The following HS2ST1 variants were observed in gnomAD, a reference collection of about 807,000 sequenced individuals.
HS2ST1 encodes the protein 2-O-sulfotransferase.
Under a neutral mutation model 42.9 loss-of-function variants are expected in HS2ST1, and 18 were observed. The ratio of observed to expected loss-of-function variants is 0.42; its 90% confidence interval spans 0.29 to 0.62. The LOEUF is 0.62. HS2ST1 is among the 20% of genes least tolerant of loss of function. The pLI is 0.21. For synonymous variants in HS2ST1, 146 were observed against 152.9 expected, an observed-to-expected ratio of 0.95 and a Z score of 0.33; for missense variants, 334 against 433.8, an observed-to-expected ratio of 0.77 and a Z score of 2.04.
chr1:86,959,474 A>G (rs745486796), intron 1 of HS2ST1, among the ~76,000 whole-genome samples: 9 of 152,176 alleles, frequency 5.9e-5, no homozygotes, highest in Non-Finnish European at 1.0e-4. Flanking sequence ...CCTGGCTAAC[A>G]TGGTGAAACC....
At chr1:87,102,498 C>T (rs1652237194) in intron 5 of HS2ST1, among the ~76,000 whole-genome samples, 1 of 152,212 alleles carries the variant, frequency 6.6e-6, no homozygotes, top group Non-Finnish European at 1.5e-5. Flanking sequence ...GCCTCCAACA[C>T]TGGGAATCAC....
chr1:86,917,685 C>A (rs1660192547), intron 1 of HS2ST1, among the ~76,000 whole-genome samples: 1 of 152,132 alleles, frequency 6.6e-6, no homozygotes, highest in East Asian at 1.9e-4. Flanking sequence ...TAATTATGTC[C>A]GGCTGCTTAA....
intron 3 of HS2ST1, among the ~76,000 whole-genome samples, chr1:87,091,650 G>A (rs1029556245): frequency 4.7e-5 from 7 of 150,336 alleles, no homozygotes; most frequent in African/African-American, 1.7e-4. Context: ...GAATGATGAA[G>A]ACAGGTCACA....
intron 5 of HS2ST1, 23 bp downstream of exon 5, chr1:87,097,958 AGATT>A (rs1652107552): frequency 6.2e-7 from 1 of 1,613,520 alleles, no homozygotes; most frequent in African/African-American, 1.3e-5. Context: ...AAGTTGGCTC[AGATT>A]GATTATCATC....
At chr1:86,959,853 G>C (rs947390896) in intron 1 of HS2ST1, among the ~76,000 whole-genome samples, 5 of 152,166 alleles carry the variant, frequency 3.3e-5, no homozygotes, top group Non-Finnish European at 5.9e-5. Flanking sequence ...ATATTGTTAA[G>C]ATGTCAAGTT....
chr1:86,933,991 GGT>G (rs1038820848), intron 1 of HS2ST1, among the ~76,000 whole-genome samples: 1 of 151,728 alleles, frequency 6.6e-6, no homozygotes, highest in Non-Finnish European at 1.5e-5. Context: ...CTATTGATGT[GGT>G]GTGTGTGTGT....
intron 1 of HS2ST1, among the ~76,000 whole-genome samples, chr1:86,920,154 AC>A (rs1660263902): frequency 3.3e-5 from 5 of 152,348 alleles, no homozygotes; most frequent in Admixed American, 3.3e-4. Context: ...CTGTATTCTT[AC>A]ATCTCTATAT....
At chr1:87,071,772 C>CAGAT (rs141816873) in intron 1 of HS2ST1, among the ~76,000 whole-genome samples, 3,498 of 150,188 alleles carry the variant, frequency 0.023, 71 homozygotes, top group African/African-American at 0.049. Context: ...TCAGAGCTAT[C>CAGAT]AGATGCTTCC....
chr1:87,001,599 G>A (rs1649283653), intron 1 of HS2ST1, among the ~76,000 whole-genome samples: 2 of 152,224 alleles, frequency 1.3e-5, no homozygotes, highest in African/African-American at 4.8e-5. Flanking sequence ...ATGAAAAGTT[G>A]TTATTGTGGT....
intron 1 of HS2ST1, among the ~76,000 whole-genome samples, chr1:86,989,396 T>C (rs1287474888): frequency 6.6e-6 from 1 of 152,242 alleles, no homozygotes. Context: ...CAGGACAGTA[T>C]AGTAATTTAG....
intron 2 of HS2ST1, among the ~76,000 whole-genome samples, chr1:87,080,266 T>C (rs755027263): frequency 3.3e-5 from 5 of 152,192 alleles, no homozygotes; most frequent in Non-Finnish European, 7.4e-5. Context: ...ATTGTTAAAA[T>C]GGTTGTCCGG....
At chr1:87,024,696 T>G (rs1019017009) in intron 1 of HS2ST1, among the ~76,000 whole-genome samples, 3 of 152,184 alleles carry the variant, frequency 2.0e-5, no homozygotes, top group Non-Finnish European at 4.4e-5. Flanking sequence ...CCCTACTTCA[T>G]GTTATGTTAA....
chr1:86,975,821 C>T (rs1192752947), intron 1 of HS2ST1, among the ~76,000 whole-genome samples: 5 of 152,120 alleles, frequency 3.3e-5, no homozygotes, highest in Non-Finnish European at 7.4e-5. Flanking sequence ...TCTGGTTATA[C>T]AACTGTGAGA....
intron 1 of HS2ST1, among the ~76,000 whole-genome samples, chr1:86,960,086 T>A (rs1286493210): frequency 6.6e-6 from 1 of 151,990 alleles, no homozygotes; most frequent in Non-Finnish European, 1.5e-5. Flanking sequence ...AATAAATAGA[T>A]CATTGAAGCA....
At chr1:87,075,184 T>C (rs1041181589) in intron 2 of HS2ST1, among the ~76,000 whole-genome samples, 10 of 88,626 alleles carry the variant, frequency 1.1e-4, no homozygotes, top group African/African-American at 3.0e-4. Flanking sequence ...TTTTTTTTTT[T>C]TGGAGACAGG....
intron 1 of HS2ST1, among the ~76,000 whole-genome samples, chr1:87,014,777 A>G (rs1042797390): frequency 9.2e-5 from 14 of 152,334 alleles, no homozygotes; most frequent in East Asian, 3.9e-4. Context: ...CTGGCTGTCC[A>G]ACCTTTGACT....
At chr1:87,089,227 A>G (rs1166489074) in intron 3 of HS2ST1, among the ~76,000 whole-genome samples, 2 of 152,190 alleles carry the variant, frequency 1.3e-5, no homozygotes, top group Non-Finnish European at 2.9e-5. Context: ...AAATGAGCCT[A>G]GTTTATGTTC....
intron 1 of HS2ST1, chr1:87,045,727 C>T: frequency 1.1e-6 from 1 of 885,696 alleles, no homozygotes; most frequent in Non-Finnish European, 1.9e-6. Flanking sequence ...GATTTGATAT[C>T]AAATCTACTC....
At chr1:87,031,574 T>A (rs1650238878) in intron 1 of HS2ST1, among the ~76,000 whole-genome samples, 1 of 152,252 alleles carries the variant, frequency 6.6e-6, no homozygotes, top group African/African-American at 2.4e-5. Context: ...TTAGTTTGGT[T>A]GCATTCTTTT....
Sources: allele counts gnomAD v4.1 joint callset (sites outside exome capture counted in the v4.1 genomes callset), GRCh38; gene constraint gnomAD v4.1.1; transcripts MANE v1.5; gene names NCBI Gene and HGNC (gene_info 2026-07-23, HGNC 2026-07-21).